SRGAP3: variants seen among roughly 807,000 people sequenced by gnomAD.
The protein encoded by SRGAP3 is SLIT-ROBO Rho GTPase activating protein 3.
Under a neutral mutation model 121.1 loss-of-function variants are expected in SRGAP3, and 39 were observed. That is an observed-to-expected ratio of 0.32 (90% CI 0.25 to 0.42). SRGAP3 has a LOEUF of 0.42. Ranked by LOEUF, SRGAP3 falls within the 10% of genes least tolerant of loss-of-function variation. The probability of loss-of-function intolerance (pLI) is 1.00; values close to 1 mark genes in which losing one functional copy is unlikely to be tolerated. For missense variants in SRGAP3, 1,213 were observed against 1,470.6 expected, an observed-to-expected ratio of 0.82 and a Z score of 2.86; for synonymous variants, 601 against 570.0, an observed-to-expected ratio of 1.05 and a Z score of -0.77.
At chr3:9,047,674 G>C (rs1023041351) in intron 9 of SRGAP3, among the ~76,000 whole-genome samples, 199 bp from the exon 10 acceptor site, 8 of 152,222 alleles carry the variant, frequency 5.3e-5, no homozygotes, top group African/African-American at 1.9e-4. Context: ...GACAGGCGGA[G>C]GCCAGGCCCT....
chr3:9,324,509 T>C (rs1955485075), intron 3 of SRGAP3, among the ~76,000 whole-genome samples: 1 of 151,946 alleles, frequency 6.6e-6, no homozygotes, highest in Admixed American at 6.5e-5. Flanking sequence ...AAACAAAACC[T>C]GATCTGTTCT....
In SRGAP3 at chr3:9,124,717, C is replaced by G. The variant is rs758607665; in HGVS notation, c.260+8G>C. On this transcript the variant is annotated splice_region_variant and intron_variant, in intron 2 of 21. Transcript: ENST00000383836. ...CCCATCTCTGTGCACCCATACCCAACTTCTTACTTGAACTGGTGCTCCCGG... is the reference window on the plus strand; with the variant it reads ...CCCATCTCTGTGCACCCATACCCAAGTTCTTACTTGAACTGGTGCTCCCGG... 1 of 1,613,980 alleles carries G rather than the reference C, an allele frequency of 6.2e-7. No individual in the cohort carries two copies. The highest frequency in any genetic ancestry group is 8.5e-7 in the Non-Finnish European group (1 of 1,180,038).
intron 7 of SRGAP3, 54 bp from the exon 8 acceptor site, chr3:9,056,388 T>A: frequency 1.3e-6 from 2 of 1,561,832 alleles, no homozygotes; most frequent in Non-Finnish European, 1.8e-6. Flanking sequence ...CTCACCTGTG[T>A]GGAGCTAGGG....
chr3:9,123,742 G>GTGTGTGTGTGTGTGTGTT, intron 2 of SRGAP3, among the ~76,000 whole-genome samples: 1 of 150,056 alleles, frequency 6.7e-6, no homozygotes, highest in Admixed American at 6.6e-5. Context: ...ATGTGTGTGT[G>GTGTGTGTGTGTGTGTGTT]TGTGTGTGTG....
At chr3:9,327,210 T>C (rs896530038) in intron 2 of SRGAP3, among the ~76,000 whole-genome samples, 3 of 151,916 alleles carry the variant, frequency 2.0e-5, no homozygotes, top group African/African-American at 7.2e-5. Context: ...AATTTTTTTC[T>C]CTGAGTAGAA....
At chr3:9,127,191 G>A (rs1236418709) in intron 1 of SRGAP3, among the ~76,000 whole-genome samples, 1 of 152,002 alleles carries the variant, frequency 6.6e-6, no homozygotes, top group Non-Finnish European at 1.5e-5. Context: ...TTTTAAATTA[G>A]CCAGGTGTGG....
At chr3:9,104,485 A>C (rs1258157178) in intron 3 of SRGAP3, among the ~76,000 whole-genome samples, 195 bp downstream of exon 3, 1 of 152,058 alleles carries the variant, frequency 6.6e-6, no homozygotes, top group Non-Finnish European at 1.5e-5. Flanking sequence ...AAGACTACAC[A>C]CTCTTTAAAA....
At chr3:9,252,177 A>T (rs1954032860), upstream of SRGAP3, among the ~76,000 whole-genome samples, 1 of 151,914 alleles carries the variant, frequency 6.6e-6, no homozygotes, top group South Asian at 2.1e-4. Flanking sequence ...TTGCTTCCTC[A>T]CTCACCATGT....
chr3:9,349,113 C>T (rs1254162573), intron 1 of SRGAP3: 1 of 841,284 alleles, frequency 1.2e-6, no homozygotes, highest in African/African-American at 1.7e-5. Context: ...AACTTGAAAC[C>T]CATACAGTTC....
intron 3 of SRGAP3, among the ~76,000 whole-genome samples, chr3:9,095,069 T>C (rs1005195546): frequency 2.6e-5 from 4 of 152,084 alleles, no homozygotes; most frequent in Non-Finnish European, 5.9e-5. Flanking sequence ...TCCCAGACCA[T>C]ATCCGGCCTA....
intron 3 of SRGAP3, among the ~76,000 whole-genome samples, chr3:9,302,505 G>A (rs1955078454): frequency 6.6e-6 from 1 of 152,170 alleles, no homozygotes; most frequent in Non-Finnish European, 1.5e-5. Context: ...TCAGGATGCC[G>A]CAGGGAGGTA....
At chr3:9,284,544 T>C (rs145693018) in intron 3 of SRGAP3, among the ~76,000 whole-genome samples, 240 of 152,174 alleles carry the variant, frequency 1.6e-3, no homozygotes, top group African/African-American at 5.7e-3. Context: ...ATAAAAATAG[T>C]TCTGGGCTGG....
intron 1 of SRGAP3, among the ~76,000 whole-genome samples, chr3:9,335,762 T>G (rs191811589): frequency 1.3e-5 from 2 of 152,204 alleles, no homozygotes; most frequent in South Asian, 4.1e-4. Context: ...TGAAATCACC[T>G]GGAGAAGTTT....
chr3:9,130,233 A>G (rs1274264088), intron 1 of SRGAP3, among the ~76,000 whole-genome samples: 2 of 152,170 alleles, frequency 1.3e-5, no homozygotes, highest in Non-Finnish European at 2.9e-5. Context: ...CCACACATAC[A>G]TACATTCAAC....
At chr3:9,362,877 G>A (rs2030980600) in exon 1 of SRGAP3, 1 of 152,166 alleles carries the variant, frequency 6.6e-6, no homozygotes, top group African/African-American at 2.4e-5. Context: ...CTAAACGTTA[G>A]CAAATACCAT....
intron 1 of SRGAP3, among the ~76,000 whole-genome samples, chr3:9,211,108 C>T (rs773863892): frequency 5.3e-5 from 8 of 152,038 alleles, no homozygotes; most frequent in Admixed American, 2.0e-4. Context: ...TTTTGCTACA[C>T]GTTTGAACAT....
chr3:9,327,919 A>T (rs1321107243), intron 2 of SRGAP3, among the ~76,000 whole-genome samples: 1 of 152,202 alleles, frequency 6.6e-6, no homozygotes, highest in Non-Finnish European at 1.5e-5. Flanking sequence ...TTTATATAAG[A>T]TCTCTTTTCT....
At chr3:9,335,515 T>C (rs1415695395) in intron 1 of SRGAP3, among the ~76,000 whole-genome samples, 2 of 152,202 alleles carry the variant, frequency 1.3e-5, no homozygotes, top group Admixed American at 1.3e-4. Flanking sequence ...TATTAGGTTT[T>C]CCTCAATCAC....
intron 8 of SRGAP3, 76 bp from the exon 9 acceptor site, chr3:9,053,300 T>G (rs1227749908): frequency 1.9e-5 from 27 of 1,435,074 alleles, no homozygotes; most frequent in Non-Finnish European, 2.6e-5. Flanking sequence ...CTTTCCCAGC[T>G]GTCACTTTAC....
Sources: allele counts gnomAD v4.1 joint callset (sites outside exome capture counted in the v4.1 genomes callset), GRCh38; gene constraint gnomAD v4.1.1; transcripts MANE v1.5; gene names NCBI Gene and HGNC (gene_info 2026-07-23, HGNC 2026-07-21).